The following CSMD1 variants were observed in gnomAD, a reference collection of about 807,000 sequenced individuals.
The protein encoded by CSMD1 is CUB and sushi domain-containing protein 1.
A neutral mutation model predicts 417.5 loss-of-function variants in CSMD1; 213 were observed. The observed-to-expected ratio is 0.51, with a 90% CI of 0.46 to 0.57. CSMD1 has a LOEUF of 0.57. Among genes scored for constraint, CSMD1 ranks in the 20% least tolerant of loss-of-function variants. CSMD1 has a pLI of 0.00. For synonymous variants in CSMD1, 2,862 were observed against 1,736.8 expected (o/e 1.65, Z -16.11); for missense variants, 6,923 against 4,529.7 (o/e 1.53, Z -15.17).
chr8:3,955,683 A>T (rs998608573), intron 5 of CSMD1, among the ~76,000 whole-genome samples: 1 of 152,168 alleles, frequency 6.6e-6, no homozygotes, highest in East Asian at 1.9e-4. Context: ...TCAGAGGATG[A>T]GGAAAGAGGA....
chr8:3,028,493 G>T (rs1314990965), intron 51 of CSMD1, among the ~76,000 whole-genome samples: 4 of 152,114 alleles, frequency 2.6e-5, no homozygotes, highest in Non-Finnish European at 5.9e-5. Context: ...AGAGAAACGG[G>T]GACCATGTTC....
At chr8:3,311,292 C>T (rs1422504309) in intron 23 of CSMD1, among the ~76,000 whole-genome samples, 1 of 152,100 alleles carries the variant, frequency 6.6e-6, no homozygotes, top group Non-Finnish European at 1.5e-5. Context: ...GTCTGTTGCC[C>T]AGGCTGGAAT....
At chr8:4,980,357 A>G (rs1298047115) in intron 1 of CSMD1, among the ~76,000 whole-genome samples, 1 of 152,244 alleles carries the variant, frequency 6.6e-6, no homozygotes, top group Non-Finnish European at 1.5e-5. Context: ...AGTTGCACTT[A>G]GAGCCCCAGC....
chr8:4,936,089 G>A (rs1309319121), intron 1 of CSMD1, among the ~76,000 whole-genome samples: 1 of 152,192 alleles, frequency 6.6e-6, no homozygotes, highest in Non-Finnish European at 1.5e-5. Flanking sequence ...TCATAGGCAA[G>A]GAGTGGAGGT....
At chr8:3,716,480 G>A (rs1210337564) in intron 6 of CSMD1, among the ~76,000 whole-genome samples, 1 of 152,144 alleles carries the variant, frequency 6.6e-6, no homozygotes, top group African/African-American at 2.4e-5. Context: ...ACTTTGTGAT[G>A]CTGCATTCGT....
intron 5 of CSMD1, among the ~76,000 whole-genome samples, chr8:3,803,396 G>C (rs916497015): frequency 6.6e-6 from 1 of 152,168 alleles, no homozygotes; most frequent in Non-Finnish European, 1.5e-5. Flanking sequence ...ACGCTGGAGA[G>C]GAAACAGGTA....
At chr8:4,873,113 G>C (rs76959431) in intron 1 of CSMD1, among the ~76,000 whole-genome samples, 3,920 of 152,052 alleles carry the variant, frequency 0.026, 156 homozygotes, top group African/African-American at 0.082. Flanking sequence ...CAAAATGAAG[G>C]TATATAACAT....
chr8:4,523,638 G>C (rs1357632776), intron 2 of CSMD1, among the ~76,000 whole-genome samples: 1 of 152,112 alleles, frequency 6.6e-6, no homozygotes, highest in Non-Finnish European at 1.5e-5. Flanking sequence ...CAAGGTTCCA[G>C]TCCGGGGCCT....
chr8:4,974,032 T>A (rs1225433789), intron 1 of CSMD1, among the ~76,000 whole-genome samples: 3 of 152,172 alleles, frequency 2.0e-5, no homozygotes, highest in African/African-American at 7.2e-5. Context: ...TATTTACTTA[T>A]TTATTTTAGA....
intron 3 of CSMD1, among the ~76,000 whole-genome samples, chr8:4,093,211 A>G (rs1444208945): frequency 1.3e-5 from 2 of 152,250 alleles, no homozygotes. Flanking sequence ...TTATGTAAAT[A>G]AAGTATAATT....
chr8:4,319,209 G>C (rs538092371), intron 3 of CSMD1, among the ~76,000 whole-genome samples: 3 of 152,226 alleles, frequency 2.0e-5, no homozygotes, highest in Non-Finnish European at 2.9e-5. Context: ...TACAGATTTT[G>C]ATGAAAAGTG....
intron 7 of CSMD1, among the ~76,000 whole-genome samples, chr8:3,623,701 C>A (rs1166721615): frequency 6.6e-6 from 1 of 152,058 alleles, no homozygotes; most frequent in Non-Finnish European, 1.5e-5. Context: ...CAGGGCCGGG[C>A]GTGGGGGCTC....
intron 37 of CSMD1, among the ~76,000 whole-genome samples, chr8:3,168,840 T>C (rs1820401975): frequency 6.6e-6 from 1 of 152,174 alleles, no homozygotes; most frequent in Admixed American, 6.5e-5. Flanking sequence ...TGTTACATCC[T>C]GCAGTCTCTT....
chr8:3,759,273 C>T (rs554955485), intron 5 of CSMD1, among the ~76,000 whole-genome samples: 14 of 152,136 alleles, frequency 9.2e-5, no homozygotes, highest in Admixed American at 3.9e-4. Flanking sequence ...AACAGAAATA[C>T]GGCCTGTTAA....
At chr8:3,251,504 T>A (rs1362588049) in intron 26 of CSMD1, among the ~76,000 whole-genome samples, 1 of 152,208 alleles carries the variant, frequency 6.6e-6, no homozygotes, top group African/African-American at 2.4e-5. Context: ...GCATGATGCC[T>A]CCAGCTTTGT....
At chr8:4,375,805 T>A (rs905546017) in intron 3 of CSMD1, among the ~76,000 whole-genome samples, 7 of 152,170 alleles carry the variant, frequency 4.6e-5, no homozygotes, top group African/African-American at 1.7e-4. Flanking sequence ...CTCATACATT[T>A]TTTAAGAGTT....
chr8:3,584,374 T>A (rs951114983), intron 9 of CSMD1, among the ~76,000 whole-genome samples: 1 of 152,108 alleles, frequency 6.6e-6, no homozygotes, highest in African/African-American at 2.4e-5. Flanking sequence ...TCTTCCAAAA[T>A]ATGATCAAGT....
intron 1 of CSMD1, among the ~76,000 whole-genome samples, chr8:4,817,954 A>G (rs962270879): frequency 6.6e-6 from 1 of 152,186 alleles, no homozygotes; most frequent in Non-Finnish European, 1.5e-5. Flanking sequence ...CTACCCTAGC[A>G]TTAGGTACAG....
chr8:3,339,926 G>A (rs944031442), intron 23 of CSMD1, among the ~76,000 whole-genome samples: 4 of 152,154 alleles, frequency 2.6e-5, no homozygotes, highest in Non-Finnish European at 5.9e-5. Flanking sequence ...GTTTTCTAAC[G>A]AAGGTACACT....
Sources: allele counts gnomAD v4.1 joint callset (sites outside exome capture counted in the v4.1 genomes callset), GRCh38; gene constraint gnomAD v4.1.1; transcripts MANE v1.5; gene names NCBI Gene and HGNC (gene_info 2026-07-23, HGNC 2026-07-21).